The following RAI14 variants were observed in gnomAD, a reference collection of about 807,000 sequenced individuals.
RAI14 encodes the protein ankycorbin.
A neutral mutation model predicts 115.4 loss-of-function variants in RAI14; 45 were observed. The observed-to-expected ratio is 0.39, with a 90% confidence interval of 0.31 to 0.50. The LOEUF (loss-of-function observed/expected upper bound fraction) is 0.50. Ranked by LOEUF, RAI14 falls within the 20% of genes least tolerant of loss-of-function variation. RAI14 has a pLI of 0.85. For missense variants in RAI14, 939 were observed against 1,131.2 expected, an observed-to-expected ratio of 0.83 and a Z score of 2.44; for synonymous variants, 371 against 415.4, an observed-to-expected ratio of 0.89 and a Z score of 1.30.
At chr5:34,779,410 T>C (rs1247310494) in intron 3 of RAI14, among the ~76,000 whole-genome samples, 1 of 152,160 alleles carries the variant, frequency 6.6e-6, no homozygotes, top group Non-Finnish European at 1.5e-5. Context: ...AGGTATTCAG[T>C]TAAGAAAAGA....
intron 3 of RAI14, among the ~76,000 whole-genome samples, chr5:34,761,225 C>T (rs1231542469): frequency 6.6e-6 from 1 of 152,178 alleles, no homozygotes; most frequent in African/African-American, 2.4e-5. Context: ...CTCACTCTGT[C>T]ACCCAGGCTG....
chr5:34,803,183 T>C (rs1754476584), intron 4 of RAI14, among the ~76,000 whole-genome samples: 1 of 152,216 alleles, frequency 6.6e-6, no homozygotes, highest in Non-Finnish European at 1.5e-5. Flanking sequence ...CAACAGCAGT[T>C]GGAACCTGTG....
chr5:34,728,438 T>C (rs369050908), intron 2 of RAI14: 55 of 152,268 alleles, frequency 3.6e-4, no homozygotes, highest in African/African-American at 1.2e-3. Context: ...ATTGTAATAA[T>C]CCTCACTCCA....
chr5:34,688,993 AT>A (rs1738223602), intron 2 of RAI14, among the ~76,000 whole-genome samples: 1 of 152,138 alleles, frequency 6.6e-6, no homozygotes, highest in African/African-American at 2.4e-5. Context: ...ACATGCAGTC[AT>A]TTGTCTGGGT....
chr5:34,794,744 T>G (rs1386435601), intron 3 of RAI14, among the ~76,000 whole-genome samples: 1 of 152,232 alleles, frequency 6.6e-6, no homozygotes, highest in African/African-American at 2.4e-5. Context: ...CAACTAGTAC[T>G]GAAGTATTCC....
At chr5:34,710,184 C>T (rs897341153) in intron 2 of RAI14, among the ~76,000 whole-genome samples, 9 of 152,156 alleles carry the variant, frequency 5.9e-5, no homozygotes, top group African/African-American at 2.2e-4. Flanking sequence ...GGTCTGGAGG[C>T]GAGAAGTCTG....
intron 7 of RAI14, among the ~76,000 whole-genome samples, chr5:34,808,949 C>G (rs2150250726): frequency 6.6e-6 from 1 of 152,284 alleles, no homozygotes; most frequent in South Asian, 2.1e-4. Flanking sequence ...ATCTTATAGG[C>G]AGTACTGCTC....
intron 2 of RAI14, among the ~76,000 whole-genome samples, chr5:34,722,172 G>C (rs549049934): frequency 9.6e-4 from 145 of 150,838 alleles, no homozygotes; most frequent in African/African-American, 3.5e-3. Flanking sequence ...AAAGTGATAT[G>C]TTGAAATCCA....
At chr5:34,782,723 T>A (rs1751818888) in intron 3 of RAI14, among the ~76,000 whole-genome samples, 1 of 152,240 alleles carries the variant, frequency 6.6e-6, no homozygotes, top group Non-Finnish European at 1.5e-5. Flanking sequence ...TGTTTCCAGA[T>A]AATAGGAACT....
chr5:34,700,619 T>C (rs1250589649), intron 2 of RAI14, among the ~76,000 whole-genome samples: 1 of 152,250 alleles, frequency 6.6e-6, no homozygotes, highest in Non-Finnish European at 1.5e-5. Flanking sequence ...ACTTTATCCA[T>C]GTAATGGACA....
At chr5:34,727,742 T>C (rs561955976) in intron 2 of RAI14, among the ~76,000 whole-genome samples, 9 of 152,244 alleles carry the variant, frequency 5.9e-5, no homozygotes, top group African/African-American at 1.2e-4. Context: ...AAATCAAGAA[T>C]TGAGGTTTGG....
intron 2 of RAI14, among the ~76,000 whole-genome samples, chr5:34,712,530 C>A (rs1038196600): frequency 6.6e-6 from 1 of 152,122 alleles, no homozygotes. Flanking sequence ...GATTGCTTTT[C>A]GTTATACTTT....
chr5:34,683,690 A>T (rs984765227), intron 1 of RAI14, among the ~76,000 whole-genome samples: 2 of 150,984 alleles, frequency 1.3e-5, no homozygotes, highest in African/African-American at 4.9e-5. Flanking sequence ...TAGTACTTCC[A>T]CAAGAAGGGG....
chr5:34,657,443 T>A (rs1359359319), intron 1 of RAI14, among the ~76,000 whole-genome samples: 1 of 151,848 alleles, frequency 6.6e-6, no homozygotes, highest in Non-Finnish European at 1.5e-5. Context: ...CGTGGAGGGG[T>A]CCGAAGTGGC....
intron 1 of RAI14, among the ~76,000 whole-genome samples, chr5:34,662,836 C>T (rs1291582920): frequency 3.5e-5 from 5 of 142,336 alleles, no homozygotes; most frequent in African/African-American, 1.0e-4. Context: ...TCAATCAATT[C>T]TCCTGCCTCA....
intron 3 of RAI14, among the ~76,000 whole-genome samples, chr5:34,764,603 A>G (rs1305830067): frequency 1.3e-5 from 2 of 152,026 alleles, no homozygotes; most frequent in African/African-American, 4.8e-5. Context: ...TACATGCAAT[A>G]TATGTATATA....
At chr5:34,822,864 T>G in intron 14 of RAI14, 92 bp from the exon 15 acceptor site, 2 of 1,164,498 alleles carry the variant, frequency 1.7e-6, no homozygotes, top group Non-Finnish European at 2.4e-6. Flanking sequence ...TTTGTATTTT[T>G]TTTTAGTAGA....
At chr5:34,778,151 A>T (rs1334054846) in intron 3 of RAI14, among the ~76,000 whole-genome samples, 1 of 152,272 alleles carries the variant, frequency 6.6e-6, no homozygotes, top group African/African-American at 2.4e-5. Context: ...AAAAAATTTT[A>T]AACATATTTT....
At chr5:34,739,181 A>G (rs2150042270) in intron 2 of RAI14, among the ~76,000 whole-genome samples, 1 of 152,352 alleles carries the variant, frequency 6.6e-6, no homozygotes, top group South Asian at 2.1e-4. Context: ...ACCCTGTGCC[A>G]GACATGGTTT....
Sources: gnomAD v4.1 joint callset for allele counts (sites outside exome capture counted in the v4.1 genomes callset) on GRCh38, gnomAD v4.1.1 for gene constraint, MANE v1.5 for transcripts, NCBI Gene and HGNC (gene_info 2026-07-23, HGNC 2026-07-21) for gene names.